USH2A: variants seen among roughly 807,000 people sequenced by gnomAD.
The protein encoded by USH2A is Usher syndrome 2A (autosomal recessive, mild).
Under a neutral mutation model 538.9 loss-of-function variants are expected in USH2A, and 443 were observed. That is an observed-to-expected ratio of 0.82 (90% CI 0.76 to 0.89). The LOEUF is 0.89. USH2A is among the 40% of genes least tolerant of loss of function. The pLI is 0.00. For synonymous variants in USH2A, 2,413 were observed against 2,273.5 expected, an observed-to-expected ratio of 1.06 and a Z score of -1.75; for missense variants, 6,633 against 6,324.8, an observed-to-expected ratio of 1.05 and a Z score of -1.65.
chr1:215,628,122 T>C (rs948412455), intron 71 of USH2A, among the ~76,000 whole-genome samples: 2 of 152,140 alleles, frequency 1.3e-5, no homozygotes, highest in African/African-American at 4.8e-5. Flanking sequence ...TGATACAAAA[T>C]ATTCTTTTTG....
intron 69 of USH2A, among the ~76,000 whole-genome samples, chr1:215,636,911 G>T (rs1656511981): frequency 6.6e-6 from 1 of 152,068 alleles, no homozygotes; most frequent in Non-Finnish European, 1.5e-5. Context: ...TCCAGACACA[G>T]TGGAAACCTC....
intron 37 of USH2A, among the ~76,000 whole-genome samples, chr1:215,959,387 C>A (rs1204934305): frequency 6.6e-6 from 1 of 151,932 alleles, no homozygotes; most frequent in Non-Finnish European, 1.5e-5. Context: ...AAAAATTGTT[C>A]TTTCTATCTT....
intron 64 of USH2A, among the ~76,000 whole-genome samples, chr1:215,666,020 C>A (rs929946797): frequency 6.6e-6 from 1 of 152,200 alleles, no homozygotes; most frequent in African/African-American, 2.4e-5. Flanking sequence ...AGCCACCAAC[C>A]CATTCTTGTG....
At chr1:216,193,492 A>G (rs905366548) in intron 19 of USH2A, among the ~76,000 whole-genome samples, 2 of 152,096 alleles carry the variant, frequency 1.3e-5, no homozygotes, top group African/African-American at 4.8e-5. Flanking sequence ...TGGCAAACCT[A>G]TTAGTAGTGG....
At chr1:216,205,207 G>A (rs1404502538) in intron 16 of USH2A, among the ~76,000 whole-genome samples, 3 of 152,078 alleles carry the variant, frequency 2.0e-5, no homozygotes, top group East Asian at 1.9e-4. Flanking sequence ...AATAATCAGT[G>A]GTACTGTCAT....
chr1:215,832,730 C>A (rs1267093076), intron 47 of USH2A, among the ~76,000 whole-genome samples: 1 of 151,728 alleles, frequency 6.6e-6, no homozygotes, highest in Non-Finnish European at 1.5e-5. Flanking sequence ...ATTAAACTAT[C>A]CAGTGCAATA....
chr1:216,102,102 G>A (rs2032596278), intron 21 of USH2A, among the ~76,000 whole-genome samples: 1 of 151,568 alleles, frequency 6.6e-6, no homozygotes, highest in South Asian at 2.1e-4. Context: ...CAAAAGGTAT[G>A]AATAAGAGAA....
At chr1:216,364,701 T>C (rs1230028566) in intron 4 of USH2A, among the ~76,000 whole-genome samples, 1 of 152,090 alleles carries the variant, frequency 6.6e-6, no homozygotes, top group African/African-American at 2.4e-5. Context: ...AAGAGAGACA[T>C]GGAATAGATT....
chr1:215,792,535 C>T (rs938282496), intron 50 of USH2A, among the ~76,000 whole-genome samples: 4 of 152,174 alleles, frequency 2.6e-5, no homozygotes, highest in Middle Eastern at 3.2e-3. Flanking sequence ...ATGGCCAGAA[C>T]GGCACACCAG....
chr1:216,045,960 C>CA (rs887692868), intron 32 of USH2A, among the ~76,000 whole-genome samples: 1 of 151,316 alleles, frequency 6.6e-6, no homozygotes, highest in African/African-American at 2.4e-5. Context: ...ATAAGCAACC[C>CA]AATTTCAAAA....
At chr1:216,152,064 G>T (rs1201326052) in intron 21 of USH2A, among the ~76,000 whole-genome samples, 1 of 151,942 alleles carries the variant, frequency 6.6e-6, no homozygotes, top group African/African-American at 2.4e-5. Context: ...TCCCACTCTA[G>T]GTTCCCACGC....
At chr1:216,369,127 T>G (rs2038653915) in intron 3 of USH2A, among the ~76,000 whole-genome samples, 1 of 152,134 alleles carries the variant, frequency 6.6e-6, no homozygotes, top group South Asian at 2.1e-4. Context: ...GTCTTGGACT[T>G]TCTGAAATAG....
chr1:216,420,787 A>G (rs1442216322), intron 2 of USH2A, among the ~76,000 whole-genome samples: 1 of 152,116 alleles, frequency 6.6e-6, no homozygotes, highest in African/African-American at 2.4e-5. Context: ...AGAGATGTAG[A>G]AATGGGAATG....
chr1:215,871,052 T>C (rs181254505), intron 43 of USH2A, among the ~76,000 whole-genome samples: 602 of 152,274 alleles, frequency 4.0e-3, no homozygotes, highest in Non-Finnish European at 5.6e-3. Context: ...TGAATACTTA[T>C]ATTGAGTCTA....
At chr1:215,983,630 AAC>A (rs1023367513) in intron 35 of USH2A, among the ~76,000 whole-genome samples, 1 of 152,094 alleles carries the variant, frequency 6.6e-6, no homozygotes, top group Non-Finnish European at 1.5e-5. Flanking sequence ...CAAAAAAACA[AAC>A]ACACACACAC....
intron 30 of USH2A, among the ~76,000 whole-genome samples, chr1:216,064,412 A>G (rs1595227): frequency 0.66 from 100,702 of 151,830 alleles, 34,502 homozygotes; most frequent in African/African-American, 0.83. Context: ...TTGGGATGTG[A>G]GAGGAAACTG....
chr1:215,806,150 C>A (rs1421969971), intron 49 of USH2A, among the ~76,000 whole-genome samples: 1 of 151,908 alleles, frequency 6.6e-6, no homozygotes, highest in Admixed American at 6.6e-5. Flanking sequence ...TATCAAAAAC[C>A]CTTCTAATTT....
At chr1:216,314,514 G>GC (rs1444151459) in intron 9 of USH2A, among the ~76,000 whole-genome samples, 1 of 151,970 alleles carries the variant, frequency 6.6e-6, no homozygotes, top group Non-Finnish European at 1.5e-5. Context: ...CAGTGGTAAA[G>GC]CCTGATATAT....
chr1:216,374,407 A>T (rs2038778489), intron 3 of USH2A, among the ~76,000 whole-genome samples: 1 of 151,906 alleles, frequency 6.6e-6, no homozygotes, highest in East Asian at 1.9e-4. Context: ...ATTTTTCCTC[A>T]TGATTAAATT....
Sources: gnomAD v4.1 joint callset for allele counts (sites outside exome capture counted in the v4.1 genomes callset) on GRCh38, gnomAD v4.1.1 for gene constraint, MANE v1.5 for transcripts, NCBI Gene and HGNC (gene_info 2026-07-23, HGNC 2026-07-21) for gene names.